EML2: variants seen among roughly 807,000 people sequenced by gnomAD.
EML2 encodes the protein EMAP like 2.
EML2 carries 59 observed loss-of-function variants against 84.7 expected under a neutral mutation model. The observed-to-expected ratio is 0.70, with a 90% CI of 0.56 to 0.86. The LOEUF (loss-of-function observed/expected upper bound fraction) is 0.86, where lower values mean the gene tolerates loss of function less well. Ranked by LOEUF, EML2 falls within the 40% of genes least tolerant of loss-of-function variation. The pLI is 0.00. For synonymous variants in EML2, 352 were observed against 348.9 expected (o/e 1.01, Z -0.10); for missense variants, 818 against 855.6 (o/e 0.96, Z 0.55).
At chr19:45,619,746 T>C (rs992961935) in intron 11 of EML2, among the ~76,000 whole-genome samples, 1 of 152,180 alleles carries the variant, frequency 6.6e-6, no homozygotes, top group Non-Finnish European at 1.5e-5. Flanking sequence ...ATTCCTGTGC[T>C]CACTCAAATC....
chr19:45,637,129 C>T (rs1164925323), intron 3 of EML2, among the ~76,000 whole-genome samples: 2 of 152,178 alleles, frequency 1.3e-5, no homozygotes, highest in African/African-American at 2.4e-5. Flanking sequence ...CCAGCTGCCT[C>T]GAGAAGGCTC....
chr19:45,645,303 C>G (rs2122865168), upstream of EML2: 1 of 1,533,744 alleles, frequency 6.5e-7, no homozygotes, highest in Non-Finnish European at 8.7e-7. Flanking sequence ...GAGGACGTGT[C>G]GTACAGGCCG....
intron 7 of EML2, among the ~76,000 whole-genome samples, chr19:45,627,696 A>G (rs1972535497): frequency 1.3e-5 from 2 of 152,170 alleles, no homozygotes; most frequent in African/African-American, 4.8e-5. Context: ...ACATTTTACA[A>G]TCATTAGCTC....
At chr19:45,640,419 G>GTTTTTTTTTTTTTTTT (rs55686927), upstream of EML2, 1 of 144,926 alleles carries the variant, frequency 6.9e-6, no homozygotes, top group African/African-American at 2.5e-5. Flanking sequence ...TTTGTTTTTT[G>GTTTTTTTTTTTTTTTT]TTTTTTGTTT....
At chr19:45,619,324 C>T (rs904672483) in intron 11 of EML2, 133 bp from the exon 12 acceptor site, 2 of 1,224,568 alleles carry the variant, frequency 1.6e-6, no homozygotes, top group Non-Finnish European at 1.1e-6. Context: ...AAGACCTTTC[C>T]CAGTATGTCT....
chr19:45,631,329 G>C (rs1332248122), intron 6 of EML2, among the ~76,000 whole-genome samples: 1 of 152,084 alleles, frequency 6.6e-6, no homozygotes, highest in Non-Finnish European at 1.5e-5. Flanking sequence ...ATCTGTGCAG[G>C]AGACTGGCTG....
chr19:45,638,379 TCTCAAACTCTTGGC>T lies in EML2; in HGVS notation c.179+112_179+125del. 3 of 1,351,374 alleles carry T rather than the reference TCTCAAACTCTTGGC, an allele frequency of 2.2e-6. No individual in the cohort carries two copies. The Admixed American group carries it at 5.1e-5, about 23-fold the overall frequency. 83.7% of individuals were successfully genotyped at this position (1,351,374 alleles called of 1,614,324 possible). Reference sequence around the variant, plus strand: ...TTGTTTTGTGTGTTGCCCAGGCAGGTCTCAAACTCTTGGCCTCAAACGATCCTCCCAAAGTGCTG... The same window carrying T: ...TTGTTTTGTGTGTTGCCCAGGCAGGTCTCAAACGATCCTCCCAAAGTGCTG... On this transcript the variant is annotated intron_variant, in intron 3 of 18. Coordinates refer to ENST00000245925, the MANE Select transcript of EML2 (RefSeq NM_012155.4).
Position 45,633,128 on chromosome 19 carries a change from T to C in EML2, c.341A>G (p.His114Arg). ...HNDDIKCLAI[H>R]PDMVTIATGQ... ...CGTGGCGATGGTGACCATATCTGGG[T>C]GGATGGCCAAGCTGCGGAAAGAAGG... The change falls in exon 5 of 19, where the codon CAC (histidine) becomes CGC (arginine). Residue 114 changes from histidine to arginine, a missense_variant. His to Arg is a conservative substitution (Grantham distance 29). Coordinates refer to ENST00000245925, the MANE Select transcript of EML2 (RefSeq NM_012155.4). The C allele has an allele frequency of 6.2e-7, 1 of 1,605,218 alleles. No individual in the cohort carries two copies. The highest frequency in any genetic ancestry group is 8.5e-7 in the Non-Finnish European group (1 of 1,176,236).
chr19:45,611,644 C>T (rs1264852617), intron 18 of EML2, among the ~76,000 whole-genome samples: 1 of 151,908 alleles, frequency 6.6e-6, no homozygotes, highest in Non-Finnish European at 1.5e-5. Flanking sequence ...CGCCACCACC[C>T]ATGACTAATT....
chr19:45,642,219 C>T (rs1243480436), upstream of EML2: 1 of 1,535,456 alleles, frequency 6.5e-7, no homozygotes, highest in South Asian at 1.2e-5. Flanking sequence ...CTTCGCATGC[C>T]CGCAGGCGAC....
intron 15 of EML2, 122 bp downstream of exon 15, chr19:45,616,339 T>C: frequency 1.4e-6 from 1 of 724,240 alleles, no homozygotes; most frequent in Non-Finnish European, 2.3e-6. Context: ...CAAGACTCCT[T>C]GCTCTGATCA....
chr19:45,624,237 A>G (rs1204555518), intron 9 of EML2, among the ~76,000 whole-genome samples: 1 of 152,218 alleles, frequency 6.6e-6, no homozygotes, highest in African/African-American at 2.4e-5. Flanking sequence ...GTTAGCCATT[A>G]GTGGTAACAA....
At chr19:45,612,590 C>G (rs554887140) in intron 18 of EML2, among the ~76,000 whole-genome samples, 1 of 152,220 alleles carries the variant, frequency 6.6e-6, no homozygotes, top group South Asian at 2.1e-4. Context: ...GGGCGGACCG[C>G]TTGAGTCCAG....
intron 4 of EML2, among the ~76,000 whole-genome samples, 155 bp downstream of exon 4, chr19:45,634,167 C>T (rs541862540): frequency 6.6e-6 from 1 of 152,320 alleles, no homozygotes; most frequent in East Asian, 1.9e-4. Context: ...CTAAATTCAG[C>T]CTGAGGGCAG....
intron 1 of EML2, chr19:45,639,129 G>T: frequency 1.5e-6 from 1 of 667,846 alleles, no homozygotes; most frequent in South Asian, 1.9e-5. Context: ...CCTGGAAGAA[G>T]GGAGTCACCA....
At chr19:45,641,958 A>G, upstream of EML2, 1 of 1,444,302 alleles carries the variant, frequency 6.9e-7, no homozygotes, top group Non-Finnish European at 9.1e-7. Flanking sequence ...GAGGATGGGG[A>G]CGTGGCATAG....
rs372961924 is a variant in EML2 at position 45,614,639 on chromosome 19, G to A, written c.1659C>T (p.Ala553=). The A allele has an allele frequency of 1.5e-5, 25 of 1,613,956 alleles. No homozygotes were observed. The highest frequency in any genetic ancestry group is 2.7e-5 in the African/African-American group (2 of 74,904). ...CAAACCCTAGGACACAAGTAGCTGT[G>A]GCCCATTCCATGTTCCTCACAGCAT... ...SADAVRNMEW[A]TATCVLGFGV... The change falls in exon 17 of 19, where the codon GCC becomes GCT. Residue 553 remains alanine (A), a synonymous_variant. Transcript: ENST00000245925.
rs1443815418 is a variant in EML2 at position 45,634,409 on chromosome 19, A to G, written c.242T>C (p.Val81Ala). ...CACGGCTACGGAGGCCACAAAGTAC[A>G]CTATCTCCCCGGTGGGCAGCAAATA... ...NLYLLPTGEI[V>A]YFVASVAVLY... The change falls in exon 4 of 19, where the codon GTG (valine) becomes GCG (alanine). Residue 81 changes from valine to alanine, a missense_variant. By Grantham distance (64) the Val-to-Ala change is moderately conservative. Transcript: ENST00000245925. The G allele has an allele frequency of 6.2e-7, 1 of 1,613,922 alleles. No individual in the cohort carries two copies. The highest frequency in any genetic ancestry group is 1.3e-5 in the African/African-American group (1 of 74,992).
chr19:45,615,726 C>G (rs573601575), intron 16 of EML2, 76 bp downstream of exon 16: 4 of 1,289,306 alleles, frequency 3.1e-6, no homozygotes, highest in Non-Finnish European at 4.5e-6. Context: ...TGAAGCCCCT[C>G]CCTCCCCTCC....
Sources: gnomAD v4.1 joint callset for allele counts (sites outside exome capture counted in the v4.1 genomes callset) on GRCh38, gnomAD v4.1.1 for gene constraint, MANE v1.5 for transcripts, NCBI Gene and HGNC (gene_info 2026-07-23, HGNC 2026-07-21) for gene names.